The following CTNNA2 variants were observed in gnomAD, a reference collection of about 807,000 sequenced individuals.
CTNNA2 encodes catenin alpha 2.
A neutral mutation model predicts 101.0 loss-of-function variants in CTNNA2; 42 were observed. That is an observed-to-expected ratio of 0.42 (90% CI 0.32 to 0.54). The LOEUF (loss-of-function observed/expected upper bound fraction) is 0.54. Ranked by LOEUF, CTNNA2 falls within the 20% of genes least tolerant of loss-of-function variation. CTNNA2 has a pLI of 0.14. For synonymous variants in CTNNA2, 450 were observed against 456.4 expected, an observed-to-expected ratio of 0.99 and a Z score of 0.18; for missense variants, 871 against 1,223.1, an observed-to-expected ratio of 0.71 and a Z score of 4.29.
chr2:79,952,293 G>A (rs371810682), intron 7 of CTNNA2, among the ~76,000 whole-genome samples: 15 of 152,024 alleles, frequency 9.9e-5, no homozygotes, highest in Middle Eastern at 3.4e-3. Flanking sequence ...ACCCCACACC[G>A]TGCCAGTCCA....
chr2:79,860,690 G>T (rs1200060124), intron 4 of CTNNA2, among the ~76,000 whole-genome samples: 1 of 151,920 alleles, frequency 6.6e-6, no homozygotes, highest in African/African-American at 2.4e-5. Flanking sequence ...TTAGAGTGCA[G>T]TGTCTGTAGC....
rs187729728 is a variant in CTNNA2, at chr2:80,595,786, G to T, written c.2189+6301G>T. 3.8e-4 allele frequency among the ~76,000 whole-genome samples: 58 copies of T among 152,306 alleles called. No individual in the cohort carries two copies. The East Asian group carries it at 7.9e-3, about 21-fold the overall frequency. ...CTGTAGCTTTGTAGTTTAGTTTGAA[G>T]TCAGGTAGCATGATGCCTCCAGCTT... On this transcript the variant is annotated intron_variant, in intron 15 of 18. Transcript: ENST00000402739.
chr2:79,767,506 G>A (rs1673250137), intron 3 of CTNNA2, among the ~76,000 whole-genome samples: 1 of 152,120 alleles, frequency 6.6e-6, no homozygotes, highest in Admixed American at 6.5e-5. Context: ...AGGCTTTCCA[G>A]ATATTTGAAA....
intron 3 of CTNNA2, among the ~76,000 whole-genome samples, chr2:79,360,714 G>T (rs1677608741): frequency 6.6e-6 from 1 of 152,112 alleles, no homozygotes; most frequent in Non-Finnish European, 1.5e-5. Context: ...TAGAGGGTGA[G>T]GGTAAAGAAA....
At chr2:80,082,226 G>A (rs936171957) in intron 7 of CTNNA2, among the ~76,000 whole-genome samples, 6 of 152,070 alleles carry the variant, frequency 3.9e-5, no homozygotes, top group Non-Finnish European at 8.8e-5. Context: ...GTTTCAAATA[G>A]TTCACTATTT....
In CTNNA2 at chr2:79,840,916, C is replaced by A. The variant is rs184124010; in HGVS notation, c.299-17097C>A. On this transcript the variant is annotated intron_variant, in intron 3 of 18. Transcript: ENST00000402739. ...TCCCGAGTAGCTGGGACTACAGGCG[C>A]CCGCCACGGCACCCGGCTAATTTTT... is the stretch of plus-strand genomic sequence containing the variant. 3.8e-3 allele frequency among the ~76,000 whole-genome samples: 586 copies of A among 152,242 alleles called. 1 individual carries two copies. The highest frequency in any genetic ancestry group is 0.013 in the African/African-American group (553 of 41,562).
At chr2:80,521,524 T>G (rs1004377667) in intron 9 of CTNNA2, among the ~76,000 whole-genome samples, 1 of 152,176 alleles carries the variant, frequency 6.6e-6, no homozygotes, top group Admixed American at 6.5e-5. Context: ...GAGCCTGGAT[T>G]TATCCAGGTG....
chr2:80,405,455 G>A lies in CTNNA2; in HGVS notation c.1137+12164G>A, dbSNP rs1405006272. 2.0e-5 allele frequency among the ~76,000 whole-genome samples: 3 copies of A among 152,018 alleles called. No homozygotes were observed. The East Asian group carries it at 5.8e-4, about 29-fold the overall frequency. ...ATAGCTTTTATTAAAATTCTTTAAT[G>A]GGAAGAGCATAAGGTAAATATCAAT... On this transcript the variant is annotated intron_variant, in intron 8 of 18. Transcript: ENST00000402739.
chr2:80,304,706 A>T (rs1198604157), intron 7 of CTNNA2: 4 of 152,692 alleles, frequency 2.6e-5, no homozygotes, highest in African/African-American at 9.7e-5. Context: ...TCCACCAGGC[A>T]GTGTGCGGCG....
At chr2:79,558,472 A>G (rs1674576976) in intron 1 of CTNNA2, among the ~76,000 whole-genome samples, 1 of 151,918 alleles carries the variant, frequency 6.6e-6, no homozygotes, top group Admixed American at 6.6e-5. Context: ...GTAAAGATTC[A>G]ATGAAAGATC....
At chr2:80,342,880 G>A (rs1249381188) in intron 7 of CTNNA2, among the ~76,000 whole-genome samples, 1 of 152,186 alleles carries the variant, frequency 6.6e-6, no homozygotes. Context: ...CCAAGATCAA[G>A]GTATCAGCAT....
chr2:79,293,829 T>C (rs1675895960), intron 2 of CTNNA2, among the ~76,000 whole-genome samples: 1 of 152,148 alleles, frequency 6.6e-6, no homozygotes, highest in Non-Finnish European at 1.5e-5. Flanking sequence ...AATTATAATG[T>C]GCTATGAAAT....
chr2:79,464,015 G>T (rs1239697290), intron 4 of CTNNA2, among the ~76,000 whole-genome samples: 2 of 151,892 alleles, frequency 1.3e-5, no homozygotes. Context: ...CTAAGTTCTA[G>T]GGTACATTGT....
At position 79,813,807 on chromosome 2, in the gene CTNNA2, C is replaced by T. The variant is rs2105348725; in HGVS notation, c.299-44206C>T. Among the ~76,000 whole-genome samples, 3 of 152,230 alleles carry T rather than the reference C, an allele frequency of 2.0e-5. 1 individual carries two copies. The highest frequency in any genetic ancestry group is 6.8e-3 in the Middle Eastern group (2 of 294). On this transcript the variant is annotated intron_variant, in intron 3 of 18. Coordinates refer to ENST00000402739, the MANE Select transcript of CTNNA2 (RefSeq NM_001282597.3). ...TTATAAAAATGTCTACATTAGTTTC[C>T]TAGAGTTTGCATGACAATGATATAA...
intron 2 of CTNNA2, among the ~76,000 whole-genome samples, chr2:79,267,354 C>T (rs905948620): frequency 3.3e-5 from 5 of 151,520 alleles, no homozygotes; most frequent in Non-Finnish European, 7.4e-5. Flanking sequence ...GACATGCTAT[C>T]TGGTTCATAG....
intron 7 of CTNNA2, among the ~76,000 whole-genome samples, chr2:80,278,556 A>G (rs1455822173): frequency 6.6e-6 from 1 of 152,082 alleles, no homozygotes; most frequent in Admixed American, 6.6e-5. Context: ...GCCAGAAGGC[A>G]TATCCTGCTG....
chr2:79,692,215 GA>G (rs1279126608), intron 2 of CTNNA2, among the ~76,000 whole-genome samples: 1 of 152,102 alleles, frequency 6.6e-6, no homozygotes, highest in Non-Finnish European at 1.5e-5. Flanking sequence ...TGAAGGATAT[GA>G]ACAGATCCTT....
intron 1 of CTNNA2, among the ~76,000 whole-genome samples, chr2:79,612,033 C>A (rs894199250): frequency 2.0e-5 from 3 of 152,152 alleles, no homozygotes; most frequent in African/African-American, 7.2e-5. Context: ...TTTTCACCTA[C>A]TGTGCACTAA....
chr2:79,597,513 C>T (rs142140490), intron 1 of CTNNA2, among the ~76,000 whole-genome samples: 1 of 151,536 alleles, frequency 6.6e-6, no homozygotes, highest in Non-Finnish European at 1.5e-5. Flanking sequence ...GAGAGTCTCG[C>T]AGATGGAAAA....
Sources: allele counts gnomAD v4.1 joint callset (sites outside exome capture counted in the v4.1 genomes callset), GRCh38; gene constraint gnomAD v4.1.1; transcripts MANE v1.5; gene names NCBI Gene and HGNC (gene_info 2026-07-23, HGNC 2026-07-21).